Variants in ECRG4 observed in about 807,000 individuals in gnomAD.
ECRG4 encodes augurin.
Under a neutral mutation model 15.8 loss-of-function variants are expected in ECRG4, and 18 were observed. The ratio of observed to expected loss-of-function variants is 1.14; its 90% confidence interval spans 0.79 to 1.69. ECRG4 has a LOEUF of 1.69. ECRG4 is among the 40% of genes most tolerant of loss of function. The probability of loss-of-function intolerance (pLI) is 0.00; values close to 1 mark genes in which losing one functional copy is unlikely to be tolerated. For synonymous variants in ECRG4, 82 were observed against 73.9 expected, an observed-to-expected ratio of 1.11 and a Z score of -0.56; for missense variants, 200 against 190.9, an observed-to-expected ratio of 1.05 and a Z score of -0.28.
intron 1 of ECRG4, among the ~76,000 whole-genome samples, chr2:106,066,406 A>C (rs555211065): frequency 1.4e-4 from 21 of 152,302 alleles, no homozygotes; most frequent in African/African-American, 5.1e-4. Context: ...GAAAACTCTG[A>C]AATTCTCTGC....
At position 106,078,004 on chromosome 2, in the gene ECRG4, T is replaced by C; in HGVS notation, c.*78T>C. 1 of 1,385,848 alleles carries C rather than the reference T, an allele frequency of 7.2e-7. No individual in the cohort carries two copies. 85.8% of individuals were successfully genotyped at this position (1,385,848 alleles called of 1,614,324 possible). The stretch of plus-strand genomic sequence containing the variant: ...TCTCCTAATGCCTTACACTACTTGG[T>C]TTCTGATTTGCTCTATTTCAGCAGA... On this transcript the variant is annotated 3_prime_UTR_variant, in exon 4 of 4. Coordinates refer to ENST00000238044, the MANE Select transcript of ECRG4 (RefSeq NM_032411.3).
intron 1 of ECRG4, among the ~76,000 whole-genome samples, chr2:106,070,404 T>C (rs1034158889): frequency 9.9e-5 from 15 of 152,154 alleles, no homozygotes; most frequent in Non-Finnish European, 1.9e-4. Context: ...TTAATCCAAA[T>C]GCTACAGGAG....
chr2:106,065,815 G>A lies in ECRG4; in HGVS notation c.51G>A (p.Ala17=). 2.0e-6 allele frequency: 3 copies of A among 1,485,002 alleles called. No homozygotes were observed. The highest frequency in any genetic ancestry group is 2.4e-5 in the Admixed American group (1 of 42,402). The allele number at this position is 1,485,002 out of a possible 1,614,324, so 92.0% of individuals were successfully genotyped here. A position where few individuals can be genotyped will look rare whatever the true frequency, so the allele number is the denominator to read the frequency against. ...CTGTCCTGGCCCTGACCGGGCTGGC[G>A]CTGCTCCTGCTCCTGTGCTGGGGCC... is the stretch of plus-strand genomic sequence containing the variant. ...RPAVLALTGL[A]LLLLLCWGPG... Residue 17 remains alanine (A), a synonymous_variant, in exon 1 of 4, where the codon GCG becomes GCA. Coordinates refer to ENST00000238044, the MANE Select transcript of ECRG4 (RefSeq NM_032411.3).
intron 3 of ECRG4, among the ~76,000 whole-genome samples, chr2:106,076,363 A>T (rs1676486733): frequency 6.6e-6 from 1 of 152,134 alleles, no homozygotes; most frequent in Non-Finnish European, 1.5e-5. Context: ...AAAACCCAAG[A>T]GGCAAGATTG....
intron 2 of ECRG4, 138 bp downstream of exon 2, chr2:106,072,029 G>T: frequency 1.6e-6 from 1 of 643,210 alleles, no homozygotes; most frequent in Non-Finnish European, 2.7e-6. Flanking sequence ...AGATATGAAG[G>T]GCTTATTCTG....
At position 106,077,778 on chromosome 2, in the gene ECRG4, A is replaced by G; in HGVS notation, c.299A>G (p.Asp100Gly). ...CTTTTCCTCCAGAAATTTGAAGATG[A>G]CATCACCTATTGGCTTAACAGAGAT... ...MGFDEAKFED[D>G]ITYWLNRDRN... Residue 100 changes from aspartate to glycine, a missense_variant, in exon 4 of 4, where the codon GAC (aspartate) becomes GGC (glycine). Transcript: ENST00000238044. 1.1e-5 allele frequency: 18 copies of G among 1,613,940 alleles called. No individual in the cohort carries two copies. Among genetic ancestry groups the G allele is most frequent in the South Asian group, 3.3e-5 (3 of 91,018 alleles).
intron 3 of ECRG4, among the ~76,000 whole-genome samples, chr2:106,076,529 T>G (rs1340148940): frequency 6.6e-6 from 1 of 152,102 alleles, no homozygotes; most frequent in Non-Finnish European, 1.5e-5. Context: ...GGAATCATGC[T>G]CTTTAGCCCA....
At chr2:106,067,436 C>T (rs186877168) in intron 1 of ECRG4, among the ~76,000 whole-genome samples, 13 of 152,142 alleles carry the variant, frequency 8.5e-5, no homozygotes, top group African/African-American at 2.4e-4. Context: ...ATATCATCAC[C>T]GAGCTGGGAT....
At chr2:106,069,131 C>CTTTCTTTCTTTCTTTCT (rs1306118661) in intron 1 of ECRG4, among the ~76,000 whole-genome samples, 1 of 112,710 alleles carries the variant, frequency 8.9e-6, no homozygotes, top group Non-Finnish European at 1.9e-5. Flanking sequence ...CTTCCTTTCT[C>CTTTCTTTCTTTCTTTCT]TTTCTTTCTT....
intron 3 of ECRG4, among the ~76,000 whole-genome samples, chr2:106,075,274 T>A (rs1676461455): frequency 6.6e-6 from 1 of 152,266 alleles, no homozygotes; most frequent in Non-Finnish European, 1.5e-5. Context: ...GAGTCACATG[T>A]AAGAGCAACA....
chr2:106,067,269 G>T (rs970542238), intron 1 of ECRG4, among the ~76,000 whole-genome samples: 1 of 151,816 alleles, frequency 6.6e-6, no homozygotes, highest in Non-Finnish European at 1.5e-5. Context: ...TCCAGCCTGG[G>T]TAACAAGAGT....
At chr2:106,064,136 C>T (rs1446877414), upstream of ECRG4, 1 of 152,210 alleles carries the variant, frequency 6.6e-6, no homozygotes, top group Non-Finnish European at 1.5e-5. Context: ...ACAGTTTCCT[C>T]AAGGGTTTAG....
upstream of ECRG4, among the ~76,000 whole-genome samples, chr2:106,065,107 G>T (rs1182719316): frequency 6.6e-6 from 1 of 152,086 alleles, no homozygotes; most frequent in African/African-American, 2.4e-5. Flanking sequence ...TCTGAACCCA[G>T]ACTGTGGAAT....
chr2:106,065,003 G>T (rs780327485), upstream of ECRG4, among the ~76,000 whole-genome samples: 2 of 152,028 alleles, frequency 1.3e-5, no homozygotes, highest in African/African-American at 2.4e-5. Flanking sequence ...GGGAAGCAGT[G>T]GTTTTGCTCA....
chr2:106,066,046 G>A (rs1676207578), intron 1 of ECRG4, among the ~76,000 whole-genome samples: 1 of 152,240 alleles, frequency 6.6e-6, no homozygotes, highest in African/African-American at 2.4e-5. Context: ...CCTTGTGAGG[G>A]TGGAGAGAGT....
rs1472701163 is a variant in ECRG4, at chr2:106,065,833, C to CTGGG, written c.70_73dup (p.Gly25ValfsTer10). On this transcript the variant is annotated frameshift_variant, in exon 1 of 4. Coordinates refer to ENST00000238044, the MANE Select transcript of ECRG4 (RefSeq NM_032411.3). LOFTEE classifies it high-confidence loss of function. ...GGCTGGCGCTGCTCCTGCTCCTGTG[C>CTGGG]TGGGGCCCAGGTGAGCGGGGCGATG... The CTGGG allele has an allele frequency of 1.3e-6, 2 of 1,482,398 alleles. No individual in the cohort carries two copies. Among genetic ancestry groups the CTGGG allele is most frequent in the African/African-American group, 2.9e-5 (2 of 68,234 alleles). 91.8% of individuals were successfully genotyped at this position (1,482,398 alleles called of 1,614,324 possible).
At chr2:106,072,126 C>T in intron 2 of ECRG4, 2 of 488,488 alleles carry the variant, frequency 4.1e-6, no homozygotes, top group Admixed American at 3.5e-5. Flanking sequence ...TCAGTGTGGA[C>T]TCAAAAATAA....
chr2:106,065,935 T>C (rs1200884963), intron 1 of ECRG4, 92 bp downstream of exon 1: 1 of 1,177,452 alleles, frequency 8.5e-7, no homozygotes, highest in African/African-American at 1.6e-5. Context: ...CGATCGGTGA[T>C]GGGGTGGCGG....
intron 3 of ECRG4, among the ~76,000 whole-genome samples, chr2:106,075,451 G>A (rs1048079586): frequency 1.3e-5 from 2 of 152,216 alleles, no homozygotes; most frequent in African/African-American, 4.8e-5. Context: ...GACGGGCATG[G>A]TGGCTCATGC....
Sources: gnomAD v4.1 joint callset for allele counts (sites outside exome capture counted in the v4.1 genomes callset) on GRCh38, gnomAD v4.1.1 for gene constraint, MANE v1.5 for transcripts, NCBI Gene and HGNC (gene_info 2026-07-23, HGNC 2026-07-21) for gene names.